Variants in RNLS observed in about 807,000 individuals in gnomAD.
RNLS encodes renalase.
A neutral mutation model predicts 39.8 loss-of-function variants in RNLS; 39 were observed. The ratio of observed to expected loss-of-function variants is 0.98; its 90% confidence interval spans 0.76 to 1.28. RNLS has a LOEUF of 1.28. RNLS is among the 50% of genes most tolerant of loss of function. The probability of loss-of-function intolerance (pLI) is 0.00; values close to 1 mark genes in which losing one functional copy is unlikely to be tolerated. For synonymous variants in RNLS, 147 were observed against 150.7 expected, an observed-to-expected ratio of 0.98 and a Z score of 0.18; for missense variants, 410 against 413.3, an observed-to-expected ratio of 0.99 and a Z score of 0.07.
intron 5 of RNLS, among the ~76,000 whole-genome samples, chr10:88,321,262 T>C (rs1380576098): frequency 6.6e-6 from 1 of 151,812 alleles, no homozygotes; most frequent in Non-Finnish European, 1.5e-5. Context: ...CAAGTGAAAA[T>C]AGAAACAAAA....
the RNLS span, among the ~76,000 whole-genome samples, chr10:88,208,065 C>T: frequency 6.6e-6 from 1 of 152,106 alleles, no homozygotes; most frequent in African/African-American, 2.4e-5. Flanking sequence ...GCACATCAAG[C>T]GACTGAAATG....
intron 4 of RNLS, among the ~76,000 whole-genome samples, chr10:88,560,760 G>A (rs1342669519): frequency 2.0e-5 from 3 of 151,888 alleles, no homozygotes; most frequent in African/African-American, 7.3e-5. Context: ...GCAACAGAAA[G>A]GTTCATAGGA....
the RNLS span, among the ~76,000 whole-genome samples, chr10:88,268,259 A>G: frequency 1.3e-5 from 2 of 152,122 alleles, no homozygotes; most frequent in African/African-American, 4.8e-5. Context: ...CATACCTCTC[A>G]AGACCATTTA....
intron 4 of RNLS, among the ~76,000 whole-genome samples, chr10:88,562,991 C>A (rs1270104012): frequency 6.6e-6 from 1 of 152,088 alleles, no homozygotes; most frequent in East Asian, 1.9e-4. Flanking sequence ...TAAAATATTT[C>A]TTAACATGCC....
intron 6 of RNLS, among the ~76,000 whole-genome samples, chr10:88,301,332 C>T (rs1211910001): frequency 6.6e-6 from 1 of 152,120 alleles, no homozygotes; most frequent in Non-Finnish European, 1.5e-5. Flanking sequence ...TAAACTGAAA[C>T]AAGTGGTTAG....
intron 4 of RNLS, among the ~76,000 whole-genome samples, chr10:88,530,905 A>G (rs1354386078): frequency 3.3e-5 from 5 of 152,214 alleles, no homozygotes; most frequent in Non-Finnish European, 5.9e-5. Context: ...CAGGAAACAA[A>G]GAGGGAGCAC....
At chr10:88,531,969 A>G (rs761759292) in intron 4 of RNLS, among the ~76,000 whole-genome samples, 6 of 152,026 alleles carry the variant, frequency 3.9e-5, no homozygotes, top group Non-Finnish European at 8.8e-5. Context: ...AGGCAGAACT[A>G]CCTAATCTTG....
At chr10:88,571,482 G>A (rs1849833257) in intron 4 of RNLS, among the ~76,000 whole-genome samples, 1 of 152,084 alleles carries the variant, frequency 6.6e-6, no homozygotes, top group South Asian at 2.1e-4. Context: ...AATAAAAGAG[G>A]ACTCATGCAA....
intron 4 of RNLS, among the ~76,000 whole-genome samples, chr10:88,541,296 C>T (rs552054558): frequency 2.6e-5 from 4 of 152,156 alleles, no homozygotes; most frequent in African/African-American, 4.8e-5. Flanking sequence ...TATCTGTGTA[C>T]GTGTCTTAAC....
At chr10:88,375,761 C>G (rs1663412166) in intron 4 of RNLS, among the ~76,000 whole-genome samples, 1 of 152,096 alleles carries the variant, frequency 6.6e-6, no homozygotes, top group Non-Finnish European at 1.5e-5. Flanking sequence ...GGTTCTTTGG[C>G]TGGGCTACAA....
At chr10:88,222,146 G>A in the RNLS span, among the ~76,000 whole-genome samples, 4 of 152,164 alleles carry the variant, frequency 2.6e-5, no homozygotes, top group African/African-American at 9.7e-5. Flanking sequence ...AACTGTGGCA[G>A]GAATTATATC....
intron 4 of RNLS, among the ~76,000 whole-genome samples, chr10:88,518,762 A>T (rs1488545026): frequency 6.6e-6 from 1 of 151,996 alleles, no homozygotes; most frequent in Non-Finnish European, 1.5e-5. Flanking sequence ...TGGGTACTAC[A>T]GGTCAGCTCC....
At chr10:88,501,023 G>C (rs1462323066) in intron 4 of RNLS, among the ~76,000 whole-genome samples, 3 of 139,408 alleles carry the variant, frequency 2.2e-5, no homozygotes, top group Admixed American at 7.5e-5. Flanking sequence ...ATATCTCTGT[G>C]TGTGTGTGTG....
At position 88,459,554 on chromosome 10, in the gene RNLS, C is replaced by G. The variant is rs141880111; in HGVS notation, c.527-96829G>C. On this transcript the variant is annotated intron_variant, in intron 4 of 6. Transcript: ENST00000331772. ...ACAGTCCATGTATCCAGGGAGCTTG[C>G]TAATCAATTTTAGAGTCAACAGAGC... Among the ~76,000 whole-genome samples the G allele has an allele frequency of 5.3e-5, 8 of 152,178 alleles. No individual in the cohort carries two copies. The East Asian group carries it at 1.4e-3, about 26-fold the overall frequency.
intron 4 of RNLS, among the ~76,000 whole-genome samples, chr10:88,511,722 C>T (rs1004635527): frequency 6.8e-6 from 1 of 147,820 alleles, no homozygotes; most frequent in African/African-American, 2.5e-5. Context: ...TTAAAGAAGG[C>T]AGGAGTGATC....
At chr10:88,563,979 C>T (rs1041065890) in intron 4 of RNLS, among the ~76,000 whole-genome samples, 9 of 152,138 alleles carry the variant, frequency 5.9e-5, no homozygotes, top group African/African-American at 2.2e-4. Context: ...AAAAACAATT[C>T]CATGTTCTCC....
At chr10:88,418,591 TC>T (rs1279707936) in intron 4 of RNLS, among the ~76,000 whole-genome samples, 22 of 99,924 alleles carry the variant, frequency 2.2e-4, no homozygotes, top group Middle Eastern at 5.5e-3. Context: ...GTTAAAAATA[TC>T]CTGAAGAAAT....
the RNLS span, among the ~76,000 whole-genome samples, chr10:88,176,018 T>C: frequency 1.3e-5 from 2 of 152,226 alleles, no homozygotes; most frequent in Non-Finnish European, 2.9e-5. Flanking sequence ...TTTGATATAA[T>C]AGCAATTACT....
intron 4 of RNLS, among the ~76,000 whole-genome samples, chr10:88,427,759 T>C (rs1181811768): frequency 2.0e-5 from 3 of 152,020 alleles, no homozygotes; most frequent in Non-Finnish European, 2.9e-5. Context: ...ATGATGTTGA[T>C]TGGATATCTT....
Sources: allele counts gnomAD v4.1 joint callset (sites outside exome capture counted in the v4.1 genomes callset), GRCh38; gene constraint gnomAD v4.1.1; transcripts MANE v1.5; gene names NCBI Gene and HGNC (gene_info 2026-07-23, HGNC 2026-07-21).